The following DOK5 variants were observed in gnomAD, a reference collection of about 807,000 sequenced individuals.
DOK5 encodes downstream of tyrosine kinase 5.
In DOK5, 27 loss-of-function variants were observed where a neutral mutation model predicts 43.3. The ratio of observed to expected loss-of-function variants is 0.62; its 90% CI spans 0.46 to 0.86. The LOEUF (loss-of-function observed/expected upper bound fraction) is 0.86, where lower values mean the gene tolerates loss of function less well. Ranked by LOEUF, DOK5 falls within the 40% of genes least tolerant of loss-of-function variation. The pLI, the probability that DOK5 is intolerant of heterozygous loss-of-function variation, is 0.00. For missense variants in DOK5, 373 were observed against 392.9 expected (o/e 0.95, Z 0.43); for synonymous variants, 146 against 140.1 (o/e 1.04, Z -0.30).
chr20:54,599,194 A>C (rs1449334093), intron 5 of DOK5, among the ~76,000 whole-genome samples: 5 of 152,210 alleles, frequency 3.3e-5, no homozygotes, highest in African/African-American at 9.6e-5. Context: ...GAGCTCCCCC[A>C]ACTATGTTGA....
chr20:54,621,914 G>T (rs768729974), intron 6 of DOK5, among the ~76,000 whole-genome samples: 32 of 152,050 alleles, frequency 2.1e-4, no homozygotes, highest in Non-Finnish European at 3.5e-4. Flanking sequence ...AGCTAAATGG[G>T]CTGGGCACTG....
intron 2 of DOK5, among the ~76,000 whole-genome samples, chr20:54,582,780 C>A (rs1196803252): frequency 6.6e-6 from 1 of 151,844 alleles, no homozygotes; most frequent in East Asian, 1.9e-4. Flanking sequence ...TTTCCTTAAC[C>A]TAGCTATTTG....
At position 54,606,681 on chromosome 20, in the gene DOK5, G is replaced by T. The variant is rs13043589; in HGVS notation, c.600-3707G>T. 9.3e-3 allele frequency among the ~76,000 whole-genome samples: 1,419 copies of T among 152,238 alleles called. 12 individuals are homozygous for T. Among genetic ancestry groups the T allele is most frequent in the Non-Finnish European group, 0.016 (1,101 of 68,010 alleles). On this transcript the variant is annotated intron_variant, in intron 5 of 7. Transcript: ENST00000262593. ...TAACATTTTAGAGTGTTGTAAAGCT[G>T]CTTATGAAACGGTTCCAAACACATC... is the stretch of plus-strand genomic sequence containing the variant.
At chr20:54,522,785 G>C (rs1983456243) in intron 1 of DOK5, among the ~76,000 whole-genome samples, 1 of 152,098 alleles carries the variant, frequency 6.6e-6, no homozygotes, top group Non-Finnish European at 1.5e-5. Flanking sequence ...AAAGTGCTGG[G>C]ATTACAGGTG....
chr20:54,580,411 G>T (rs182217136), intron 2 of DOK5, among the ~76,000 whole-genome samples: 60 of 150,202 alleles, frequency 4.0e-4, no homozygotes, highest in African/African-American at 1.4e-3. Context: ...CTAATTTTTT[G>T]AGGAACCTCC....
At chr20:54,578,641 T>G (rs569509329) in intron 2 of DOK5, among the ~76,000 whole-genome samples, 2 of 152,316 alleles carry the variant, frequency 1.3e-5, no homozygotes, top group East Asian at 3.8e-4. Context: ...TTCTCTTCTT[T>G]TCTGTTATCA....
At chr20:54,489,696 A>G (rs1982088358) in intron 1 of DOK5, among the ~76,000 whole-genome samples, 1 of 152,144 alleles carries the variant, frequency 6.6e-6, no homozygotes, top group Admixed American at 6.5e-5. Flanking sequence ...GCCAGCTCAC[A>G]CAGCCTTATG....
intron 1 of DOK5, among the ~76,000 whole-genome samples, chr20:54,516,261 AG>A (rs917955722): frequency 6.6e-6 from 1 of 152,240 alleles, no homozygotes; most frequent in Non-Finnish European, 1.5e-5. Flanking sequence ...AATTACAGTA[AG>A]AAAAAAATAT....
At chr20:54,485,158 T>C (rs1192843951) in intron 1 of DOK5, among the ~76,000 whole-genome samples, 1 of 152,086 alleles carries the variant, frequency 6.6e-6, no homozygotes, top group African/African-American at 2.4e-5. Flanking sequence ...GGTGAAACAC[T>C]GTCTCTACTA....
intron 1 of DOK5, among the ~76,000 whole-genome samples, chr20:54,482,104 A>C (rs1433999801): frequency 6.6e-6 from 1 of 152,242 alleles, no homozygotes; most frequent in Non-Finnish European, 1.5e-5. Flanking sequence ...TGGTTGATAC[A>C]GAAGGAATTT....
chr20:54,500,372 T>G (rs987710230), intron 1 of DOK5, among the ~76,000 whole-genome samples: 2 of 152,150 alleles, frequency 1.3e-5, no homozygotes, highest in African/African-American at 4.8e-5. Context: ...ATAAACATTT[T>G]TCTTCTTTTT....
At chr20:54,550,218 T>C (rs866605455) in intron 1 of DOK5, among the ~76,000 whole-genome samples, 112 of 151,300 alleles carry the variant, frequency 7.4e-4, no homozygotes, top group African/African-American at 2.6e-3. Context: ...AGAATGTAGA[T>C]GACATATGTT....
In DOK5 at chr20:54,643,456, A is replaced by G; in HGVS notation, c.736-2A>G. The G allele has an allele frequency of 1.9e-6, 3 of 1,613,360 alleles. No individual in the cohort carries two copies. The highest frequency in any genetic ancestry group is 8.5e-7 in the Non-Finnish European group (1 of 1,179,954). ...GCACAACTTTCTTCCCTTTGGCTGCAGCTCCAGATGAAGATGAGTGAGCGG... is the reference window on the plus strand; with the variant it reads ...GCACAACTTTCTTCCCTTTGGCTGCGGCTCCAGATGAAGATGAGTGAGCGG... On this transcript the variant is annotated splice_acceptor_variant, in intron 6 of 7. Coordinates refer to ENST00000262593, the MANE Select transcript of DOK5 (RefSeq NM_018431.5). LOFTEE classifies it high-confidence loss of function.
At chr20:54,625,602 G>A (rs531215078) in intron 6 of DOK5, among the ~76,000 whole-genome samples, 1 of 152,244 alleles carries the variant, frequency 6.6e-6, no homozygotes, top group South Asian at 2.1e-4. Flanking sequence ...ACCAGCTCAG[G>A]GTCCTCGGGC....
chr20:54,534,298 C>T (rs1983878753), intron 1 of DOK5, among the ~76,000 whole-genome samples: 1 of 152,156 alleles, frequency 6.6e-6, no homozygotes, highest in African/African-American at 2.4e-5. Flanking sequence ...GGTGATCCTC[C>T]CACTTCAGCC....
At chr20:54,498,947 G>T (rs1982497109) in intron 1 of DOK5, among the ~76,000 whole-genome samples, 1 of 152,204 alleles carries the variant, frequency 6.6e-6, no homozygotes, top group Non-Finnish European at 1.5e-5. Context: ...TTCTGAGTTT[G>T]AAATTAATAA....
At chr20:54,614,855 A>G (rs1986757215) in intron 6 of DOK5, among the ~76,000 whole-genome samples, 1 of 152,228 alleles carries the variant, frequency 6.6e-6, no homozygotes, top group Admixed American at 6.5e-5. Context: ...ATTAGGGGAT[A>G]CCATGCTAAA....
chr20:54,517,680 C>T (rs139655890), intron 1 of DOK5, among the ~76,000 whole-genome samples: 24 of 152,202 alleles, frequency 1.6e-4, no homozygotes, highest in African/African-American at 4.1e-4. Context: ...ATGCACCCCC[C>T]GCTCCAAATT....
chr20:54,557,545 C>T (rs575610831), intron 2 of DOK5, among the ~76,000 whole-genome samples: 26 of 152,202 alleles, frequency 1.7e-4, no homozygotes, highest in Admixed American at 9.2e-4. Flanking sequence ...AATGCGATCA[C>T]GCGATTTGAT....
Sources: allele counts gnomAD v4.1 joint callset (sites outside exome capture counted in the v4.1 genomes callset), GRCh38; gene constraint gnomAD v4.1.1; transcripts MANE v1.5; gene names NCBI Gene and HGNC (gene_info 2026-07-23, HGNC 2026-07-21).